The following KPNA5 variants were observed in gnomAD, a reference collection of about 807,000 sequenced individuals.
The protein encoded by KPNA5 is karyopherin subunit alpha 5.
In KPNA5, 46 loss-of-function variants were observed where a neutral mutation model predicts 71.3. The ratio of observed to expected loss-of-function variants is 0.65; its 90% CI spans 0.51 to 0.83. The LOEUF (loss-of-function observed/expected upper bound fraction) is 0.83, where lower values mean the gene tolerates loss of function less well. Ranked by LOEUF, KPNA5 falls within the 40% of genes least tolerant of loss-of-function variation. The probability of loss-of-function intolerance (pLI) is 0.00; values close to 1 mark genes in which losing one functional copy is unlikely to be tolerated. For synonymous variants in KPNA5, 207 were observed against 201.4 expected, an observed-to-expected ratio of 1.03 and a Z score of -0.24; for missense variants, 547 against 628.3, an observed-to-expected ratio of 0.87 and a Z score of 1.38.
chr6:116,691,986 A>G lies in KPNA5; in HGVS notation c.139-69A>G, dbSNP rs542642339. On this transcript the variant is annotated intron_variant, in intron 2 of 13. Coordinates refer to ENST00000368564, the MANE Select transcript of KPNA5 (RefSeq NM_001366306.2). ...TTCTTTTGTCCACTCAAATGAAAAC[A>G]TGGAATTCTATGGCAACTTAATGTT... 207 of 980,194 alleles carry G rather than the reference A, an allele frequency of 2.1e-4. No individual in the cohort carries two copies. The African/African-American group carries it at 3.1e-3, about 15-fold the overall frequency. The allele number at this position is 980,194 out of a possible 1,614,324, so 60.7% of individuals were successfully genotyped here. A position where few individuals can be genotyped will look rare whatever the true frequency, so the allele number is the denominator to read the frequency against.
At chr6:116,696,957 T>A (rs952503790) in intron 4 of KPNA5, among the ~76,000 whole-genome samples, 27 of 152,106 alleles carry the variant, frequency 1.8e-4, no homozygotes, top group African/African-American at 6.3e-4. Flanking sequence ...TGGGGGGGTA[T>A]ATATCATATC....
intron 1 of KPNA5, among the ~76,000 whole-genome samples, chr6:116,687,837 C>T (rs187979906): frequency 1.1e-4 from 17 of 152,290 alleles, no homozygotes; most frequent in Admixed American, 7.8e-4. Flanking sequence ...GTTTAGTTCA[C>T]GCCTTCAGCA....
In KPNA5 at chr6:116,739,944, C is replaced by G. The variant is rs1173419539; in HGVS notation, c.*7621C>G. The G allele has an allele frequency of 6.6e-6, 1 of 151,870 alleles. No homozygotes were observed. Among genetic ancestry groups the G allele is most frequent in the Non-Finnish European group, 1.5e-5 (1 of 67,998 alleles). 9.4% of individuals were successfully genotyped at this position (151,870 alleles called of 1,614,324 possible). A position where few individuals can be genotyped will look rare whatever the true frequency, so the allele number is the denominator to read the frequency against. ...TTCAGGACATAGGGATGGGCAAGGA[C>G]TTCATGTCTAAAACACCAAAAGCAA... On this transcript the variant is annotated 3_prime_UTR_variant, in exon 14 of 14. Transcript: ENST00000368564.
intron 2 of KPNA5, among the ~76,000 whole-genome samples, chr6:116,691,533 C>G (rs752642346): frequency 7.9e-5 from 12 of 152,150 alleles, no homozygotes; most frequent in Non-Finnish European, 1.6e-4. Context: ...AGTGAACTCA[C>G]CATGTTTCTT....
At chr6:116,700,307 C>CAA (rs11447065) in intron 5 of KPNA5, among the ~76,000 whole-genome samples, 1 of 151,456 alleles carries the variant, frequency 6.6e-6, no homozygotes, top group Non-Finnish European at 1.5e-5. Context: ...CTCATCTCTA[C>CAA]AAAAAAATAA....
In KPNA5 at chr6:116,724,389, T is replaced by C; in HGVS notation, c.999+14T>C. The stretch of plus-strand genomic sequence containing the variant: ...ATTCAAACACAGGTGAGTTCAAACT[T>C]GAGTATCATAAATTGTTAACATAAA... On this transcript the variant is annotated intron_variant, in intron 10 of 13. Transcript: ENST00000368564. 1 of 1,575,654 alleles carries C rather than the reference T, an allele frequency of 6.3e-7. No individual in the cohort carries two copies. Among genetic ancestry groups the C allele is most frequent in the East Asian group, 2.2e-5 (1 of 44,654 alleles).
At position 116,740,617 on chromosome 6, in the gene KPNA5, G is replaced by A. The variant is rs562722424; in HGVS notation, c.*8294G>A. ...CCCAAATGTCCAACAATGATAGACT[G>A]GATTAAGAAAATGTGGCACATATAC... is the stretch of plus-strand genomic sequence containing the variant. On this transcript the variant is annotated 3_prime_UTR_variant, in exon 14 of 14. Coordinates refer to ENST00000368564, the MANE Select transcript of KPNA5 (RefSeq NM_001366306.2). 8 of 152,184 alleles carry A rather than the reference G, an allele frequency of 5.3e-5. No homozygotes were observed. In the South Asian group the frequency reaches 1.7e-3, roughly 32 times the overall value. 9.4% of individuals were successfully genotyped at this position (152,184 alleles called of 1,614,324 possible). A position where few individuals can be genotyped will look rare whatever the true frequency, so the allele number is the denominator to read the frequency against.
intron 13 of KPNA5, among the ~76,000 whole-genome samples, chr6:116,731,489 A>C (rs1481469649): frequency 6.6e-6 from 1 of 152,112 alleles, no homozygotes; most frequent in Non-Finnish European, 1.5e-5. Context: ...TAATTAAATG[A>C]AATGTATTTT....
chr6:116,722,337 A>G (rs1215890206), intron 9 of KPNA5, 48 bp downstream of exon 9: 56 of 1,424,278 alleles, frequency 3.9e-5, no homozygotes, highest in Non-Finnish European at 5.2e-5. Flanking sequence ...TGAGATTAAA[A>G]TTAGCAATTC....
Position 116,733,888 on chromosome 6 carries a change from A to C in KPNA5, c.*1565A>C, listed in dbSNP as rs992971552. The C allele has an allele frequency of 1.3e-5, 2 of 151,768 alleles. No individual in the cohort carries two copies. Among genetic ancestry groups the C allele is most frequent in the African/African-American group, 2.4e-5 (1 of 41,416 alleles). The allele number at this position is 151,768 out of a possible 1,614,324, so 9.4% of individuals were successfully genotyped here. On this transcript the variant is annotated 3_prime_UTR_variant, in exon 14 of 14. Transcript: ENST00000368564. ...ATGTATATAGGAGTACTTTTAAAGA[A>C]TATGTCACTTTGTAAATTACATATC... is the stretch of plus-strand genomic sequence containing the variant.
In KPNA5 at chr6:116,725,701, A is replaced by T. The variant is rs150215719; in HGVS notation, c.1000-50A>T. The T allele has an allele frequency of 4.6e-4, 670 of 1,453,562 alleles. 1 individual carries two copies. The East Asian group carries it at 0.014, about 31-fold the overall frequency. 90.0% of individuals were successfully genotyped at this position (1,453,562 alleles called of 1,614,324 possible). ...AAATAATTCATTAGTAGATTTTCAT[A>T]TAGGTTATTTACTATAAAACTTTTT... On this transcript the variant is annotated intron_variant, in intron 10 of 13. Transcript: ENST00000368564.
chr6:116,707,460 G>C (rs1393289674), intron 7 of KPNA5, among the ~76,000 whole-genome samples: 1 of 152,090 alleles, frequency 6.6e-6, no homozygotes, highest in Non-Finnish European at 1.5e-5. Flanking sequence ...AACAGGGGTT[G>C]GCCAGCTTTA....
chr6:116,692,109 A>G lies in KPNA5; in HGVS notation c.193A>G (p.Ser65Gly). Residue 65 changes from serine (S) to glycine (G), a missense_variant, in exon 3 of 14, where the codon AGT (serine) becomes GGT (glycine). By Grantham distance (56) the Ser-to-Gly change is moderately conservative (BLOSUM62 0). Coordinates refer to ENST00000368564, the MANE Select transcript of KPNA5 (RefSeq NM_001366306.2). The part of the protein sequence containing the change: ...LPRNDESMLE[S>G]PIQDPDISST... The stretch of plus-strand genomic sequence containing the variant: ...CAGAAATGATGAATCTATGCTTGAA[A>G]GTCCTATACAGGATCCAGATATTAG... 1 of 1,612,804 alleles carries G rather than the reference A, an allele frequency of 6.2e-7. No individual in the cohort carries two copies. The highest frequency in any genetic ancestry group is 8.5e-7 in the Non-Finnish European group (1 of 1,179,134).
chr6:116,722,083 T>G (rs1283650512), intron 8 of KPNA5, 43 bp from the exon 9 acceptor site: 1 of 1,444,686 alleles, frequency 6.9e-7, no homozygotes, highest in Non-Finnish European at 9.2e-7. Flanking sequence ...AACTTGGTTT[T>G]AAATAGAGAA....
At chr6:116,732,058 TGTA>T (rs1197334344) in intron 13 of KPNA5, 75 bp from the exon 14 acceptor site, 5 of 239,416 alleles carry the variant, frequency 2.1e-5, no homozygotes, top group African/African-American at 2.6e-5. Context: ...ATACTGAAAT[TGTA>T]GTAACAGTTT....
At chr6:116,693,315 A>G (rs1777882836) in intron 4 of KPNA5, among the ~76,000 whole-genome samples, 1 of 152,172 alleles carries the variant, frequency 6.6e-6, no homozygotes, top group Non-Finnish European at 1.5e-5. Context: ...CACCACACTG[A>G]CTTCCACCAT....
intron 7 of KPNA5, among the ~76,000 whole-genome samples, chr6:116,707,375 CTTTAA>C (rs1778486858): frequency 6.6e-6 from 1 of 152,106 alleles, no homozygotes; most frequent in African/African-American, 2.4e-5. Flanking sequence ...TTTAACTCAA[CTTTAA>C]TTTATAATGT....
At chr6:116,709,324 A>G (rs971766575) in intron 7 of KPNA5, among the ~76,000 whole-genome samples, 10 of 151,952 alleles carry the variant, frequency 6.6e-5, no homozygotes, top group Non-Finnish European at 1.2e-4. Flanking sequence ...AACTCTCCCA[A>G]GTAGCTGGGA....
chr6:116,720,341 T>C (rs1484336760), intron 8 of KPNA5, among the ~76,000 whole-genome samples: 1 of 152,126 alleles, frequency 6.6e-6, no homozygotes. Flanking sequence ...TCTTTATATA[T>C]TGTGGGCAGG....
Sources: gnomAD v4.1 joint callset for allele counts (sites outside exome capture counted in the v4.1 genomes callset) on GRCh38, gnomAD v4.1.1 for gene constraint, MANE v1.5 for transcripts, NCBI Gene and HGNC (gene_info 2026-07-23, HGNC 2026-07-21) for gene names.